Variants in ANK2 observed in about 807,000 individuals in gnomAD.
ANK2 encodes ankyrin-2.
A neutral mutation model predicts 360.5 loss-of-function variants in ANK2; 83 were observed. The observed-to-expected ratio is 0.23, with a 90% CI of 0.19 to 0.28. ANK2 has a LOEUF of 0.28. Among genes scored for constraint, ANK2 ranks in the 10% least tolerant of loss-of-function variants. The probability of loss-of-function intolerance (pLI) is 1.00; values close to 1 mark genes in which losing one functional copy is unlikely to be tolerated. For missense variants in ANK2, 4,201 were observed against 4,795.7 expected (o/e 0.88, Z 3.66); for synonymous variants, 1,740 against 1,759.5 (o/e 0.99, Z 0.28).
At chr4:112,987,428 T>C (rs1044345135) in intron 2 of ANK2, among the ~76,000 whole-genome samples, 2 of 152,134 alleles carry the variant, frequency 1.3e-5, no homozygotes, top group Admixed American at 6.6e-5. Context: ...CAGATTCAGA[T>C]TGGAGGCTGA....
At position 113,318,605 on chromosome 4, in the gene ANK2, G is replaced by C. The variant is rs1231237616; in HGVS notation, c.2885G>C (p.Ser962Thr). 6.2e-7 allele frequency: 1 copy of C among 1,611,946 alleles called. No homozygotes were observed. Among genetic ancestry groups the C allele is most frequent in the South Asian group, 1.1e-5 (1 of 90,736 alleles). The change falls in exon 26 of 46, where the codon AGT becomes ACT. Residue 962 changes from serine to threonine, a missense_variant. Ser to Thr is a moderately conservative substitution (Grantham distance 58). Coordinates refer to ENST00000357077, the MANE Select transcript of ANK2 (RefSeq NM_001148.6). ...ENLDNVALSS[S>T]PIHSGFLVSF... The stretch of plus-strand genomic sequence containing the variant: ...TTAGACAACGTGGCTCTTTCTTCTA[G>C]TCCTATTCATTCAGGGTGAGTAAAT...
At chr4:113,150,980 A>G (rs2097053516) in intron 1 of ANK2, 1 of 982,752 alleles carries the variant, frequency 1.0e-6, no homozygotes. Context: ...CCTACCAGCT[A>G]ATAGGTACTT....
intron 24 of ANK2, among the ~76,000 whole-genome samples, chr4:113,313,243 T>C (rs555980869): frequency 6.6e-6 from 1 of 152,346 alleles, no homozygotes; most frequent in South Asian, 2.1e-4. Context: ...ATTGCACAAA[T>C]TGATGATAAT....
intron 43 of ANK2, among the ~76,000 whole-genome samples, chr4:113,370,774 A>T (rs2096710179): frequency 6.6e-6 from 1 of 152,156 alleles, no homozygotes; most frequent in Admixed American, 6.5e-5. Context: ...AGAAAAAAAG[A>T]AATTGATCAA....
chr4:113,092,708 TA>T (rs1166086926), intron 1 of ANK2, among the ~76,000 whole-genome samples: 1 of 152,192 alleles, frequency 6.6e-6, no homozygotes, highest in African/African-American at 2.4e-5. Context: ...ATATTAATAA[TA>T]CCTACCTCCT....
rs368580579 is a variant in ANK2 at position 113,367,843 on chromosome 4, G to A, written c.11310G>A (p.Gln3770=). Residue 3770 remains glutamine (Q), a synonymous_variant, in exon 42 of 46, where the codon CAG becomes CAA. Coordinates refer to ENST00000357077, the MANE Select transcript of ANK2 (RefSeq NM_001148.6). ...AAGAGTCATCTCTGGAATATCAGCA[G>A]GAATATTTGTGAGTTTCCAAAGAAA... ...LPEESSLEYQ[Q]EYFVTTPGTE... 6 of 1,613,918 alleles carry A rather than the reference G, an allele frequency of 3.7e-6. No homozygotes were observed. In the African/African-American group the frequency reaches 8.0e-5, roughly 22 times the overall value.
intron 2 of ANK2, among the ~76,000 whole-genome samples, chr4:113,037,767 G>A (rs1017739349): frequency 5.3e-5 from 8 of 151,940 alleles, no homozygotes; most frequent in Non-Finnish European, 1.0e-4. Flanking sequence ...GTTACTGTAA[G>A]CCAGAAACAT....
chr4:113,101,686 T>G (rs2092863869), intron 1 of ANK2, among the ~76,000 whole-genome samples: 1 of 152,016 alleles, frequency 6.6e-6, no homozygotes, highest in Admixed American at 6.6e-5. Context: ...ATTCAACAAA[T>G]AAGAACCCAA....
intron 4 of ANK2, among the ~76,000 whole-genome samples, chr4:113,204,287 C>T (rs1391633447): frequency 6.6e-6 from 1 of 152,090 alleles, no homozygotes; most frequent in African/African-American, 2.4e-5. Flanking sequence ...TAAACTGGAT[C>T]CTAGACTAGA....
rs202213988 is a variant in ANK2, at chr4:113,274,668, T to C, written c.1683+19T>C. 24 of 1,612,830 alleles carry C rather than the reference T, an allele frequency of 1.5e-5. No homozygotes were observed. The East Asian group carries it at 4.9e-4, about 33-fold the overall frequency. ...TACCAAGGTAAGGAGAATGACATCA[T>C]GAGAACATGGACCAAGAGGATTCCT... On this transcript the variant is annotated intron_variant, in intron 15 of 45. Transcript: ENST00000357077.
At chr4:113,040,903 G>A (rs949284422) in intron 2 of ANK2, among the ~76,000 whole-genome samples, 1 of 151,988 alleles carries the variant, frequency 6.6e-6, no homozygotes, top group Non-Finnish European at 1.5e-5. Flanking sequence ...TTCTTTGAGA[G>A]CCCTTCCCCA....
intron 1 of ANK2, among the ~76,000 whole-genome samples, chr4:113,164,469 T>C: frequency 6.6e-6 from 1 of 152,222 alleles, no homozygotes; most frequent in East Asian, 1.9e-4. Context: ...AAACAAGCAA[T>C]CTACTTTTTA....
chr4:112,766,215 C>T, the ANK2 span, among the ~76,000 whole-genome samples: 17 of 151,868 alleles, frequency 1.1e-4, no homozygotes, highest in Middle Eastern at 3.4e-3. Context: ...GCCTGTAGTC[C>T]CAGCTACTTG....
intron 1 of ANK2, among the ~76,000 whole-genome samples, chr4:113,127,743 A>C (rs536567078): frequency 6.6e-6 from 1 of 152,114 alleles, no homozygotes. Context: ...GAAGCAAAAA[A>C]TAAGCAGGTA....
In ANK2 at chr4:113,333,161, A is replaced by T. The variant is rs202159697; in HGVS notation, c.3332A>T (p.Asp1111Val). 1 of 1,614,218 alleles carries T rather than the reference A, an allele frequency of 6.2e-7. No homozygotes were observed. Among genetic ancestry groups the T allele is most frequent in the Non-Finnish European group, 8.5e-7 (1 of 1,180,024 alleles). ...NGDSWKEHFC[D>V]YTEDELNEIL... ...GACAGCTGGAAAGAGCATTTCTGTG[A>T]CTACACTGAAGATGAATTGAATGAA... The change falls in exon 29 of 46, where the codon GAC becomes GTC. Residue 1111 changes from aspartate to valine, a missense_variant. Physicochemically the swap from Asp to Val is radical, Grantham distance 152 (BLOSUM62 -3). Transcript: ENST00000357077.
chr4:113,096,050 G>C (rs1343965521), intron 1 of ANK2, among the ~76,000 whole-genome samples: 1 of 152,192 alleles, frequency 6.6e-6, no homozygotes. Flanking sequence ...CTGTGCTCCA[G>C]CGTCTTACAA....
At chr4:113,204,135 T>A (rs1359629193) in intron 4 of ANK2, among the ~76,000 whole-genome samples, 1 of 152,152 alleles carries the variant, frequency 6.6e-6, no homozygotes, top group African/African-American at 2.4e-5. Flanking sequence ...TTTAGATACT[T>A]ATTATTAATA....
intron 2 of ANK2, among the ~76,000 whole-genome samples, chr4:112,947,263 T>G (rs2094603704): frequency 1.3e-5 from 2 of 152,202 alleles, no homozygotes; most frequent in Non-Finnish European, 2.9e-5. Context: ...AGAGATGACT[T>G]ATGACCAAAA....
At chr4:113,259,878 A>G (rs1254986189) in intron 13 of ANK2, among the ~76,000 whole-genome samples, 2 of 151,642 alleles carry the variant, frequency 1.3e-5, no homozygotes, top group Non-Finnish European at 2.9e-5. Context: ...AAAACAAAAA[A>G]CAAACAACAA....
Sources: allele counts gnomAD v4.1 joint callset (sites outside exome capture counted in the v4.1 genomes callset), GRCh38; gene constraint gnomAD v4.1.1; transcripts MANE v1.5; gene names NCBI Gene and HGNC (gene_info 2026-07-23, HGNC 2026-07-21).